ATP8B3: variants seen among roughly 807,000 people sequenced by gnomAD.
The protein encoded by ATP8B3 is ATPase phospholipid transporting 8B3, also known as phospholipid-transporting ATPase IK.
A neutral mutation model predicts 140.9 loss-of-function variants in ATP8B3; 141 were observed. The observed-to-expected ratio is 1.00, with a 90% CI of 0.87 to 1.15. ATP8B3 has a LOEUF of 1.15. Among genes scored for constraint, ATP8B3 ranks in the 50% most tolerant of loss-of-function variants. ATP8B3 has a pLI of 0.00. For synonymous variants in ATP8B3, 765 were observed against 714.6 expected (o/e 1.07, Z -1.13); for missense variants, 1,874 against 1,740.6 (o/e 1.08, Z -1.36).
intron 14 of ATP8B3, chr19:1,799,485 G>C: frequency 3.9e-6 from 1 of 253,490 alleles, no homozygotes; most frequent in Non-Finnish European, 7.4e-6. Context: ...AAAAAAGTCG[G>C]CCGGGCGTGG....
In ATP8B3 at chr19:1,811,820, G is replaced by A. The variant is rs567205667; in HGVS notation, c.-84C>T. The A allele has an allele frequency of 4.4e-6, 6 of 1,378,924 alleles. No individual in the cohort carries two copies. The highest frequency in any genetic ancestry group is 5.8e-6 in the Non-Finnish European group (6 of 1,034,070). The allele number at this position is 1,378,924 out of a possible 1,614,324, so 85.4% of individuals were successfully genotyped here. The stretch of plus-strand genomic sequence containing the variant: ...GGAGAGGTGGGGGAGACCCCCGTGG[G>A]GGCAGACTGGGGATTGGAGAGTTGG... On this transcript the variant is annotated 5_prime_UTR_variant, in exon 2 of 29. Coordinates refer to ENST00000310127, the MANE Select transcript of ATP8B3 (RefSeq NM_138813.4).
Position 1,800,383 on chromosome 19 carries a change from A to C in ATP8B3, c.1219T>G (p.Phe407Val). ...AFGFGFSVKE[F>V]KDHHYYLSGV... is the part of the protein sequence containing the mutation. ...GAGAGGTAGTAGTGGTGGTCTTTGAATTCTTTGACTGAGAAACCGAAGCCG... is the reference window on the plus strand; with the variant it reads ...GAGAGGTAGTAGTGGTGGTCTTTGACTTCTTTGACTGAGAAACCGAAGCCG... Residue 407 changes from phenylalanine to valine, a missense_variant, in exon 13 of 29, where the codon TTC becomes GTC. By Grantham distance (50) the Phe-to-Val change is conservative (BLOSUM62 -1). Around this residue, in one of 3 missense-constraint regions of ATP8B3, gnomAD observed 1,032 missense variants for 963.6 expected, o/e 1.07. Transcript: ENST00000310127. The surrounding 1 kb of genome is among the most constrained non-coding windows in gnomAD (Gnocchi z 4.4). 6.2e-7 allele frequency: 1 copy of C among 1,608,182 alleles called. No homozygotes were observed.
chr19:1,790,568 C>T (rs1288774991), intron 21 of ATP8B3, among the ~76,000 whole-genome samples, 189 bp downstream of exon 21: 2 of 27,766 alleles, frequency 7.2e-5, no homozygotes, highest in Non-Finnish European at 1.4e-4. Flanking sequence ...CTCCACTGCC[C>T]CTCCCCCTTC....
At position 1,787,155 on chromosome 19, in the gene ATP8B3, A is replaced by T. The variant is rs2068331749; in HGVS notation, c.3101T>A (p.Phe1034Tyr). ...TGGCAGGGTGCTGTACAGGAGGTTG[A>T]AAAGAGCCAGGAACCATCCTTCATA... is the stretch of plus-strand genomic sequence containing the variant. ...PLYEGWFLAL[F>Y]NLLYSTLPVL... Residue 1034 changes from phenylalanine (F) to tyrosine (Y), a missense_variant, in exon 25 of 29, where the codon TTC becomes TAC. Transcript: ENST00000310127. 7 of 1,611,280 alleles carry T rather than the reference A, an allele frequency of 4.3e-6. No homozygotes were observed. In the East Asian group the frequency reaches 1.6e-4, roughly 36 times the overall value.
chr19:1,809,664 G>T lies in ATP8B3; in HGVS notation c.381C>A (p.Cys127Ter). 6.2e-7 allele frequency: 1 copy of T among 1,610,308 alleles called. No individual in the cohort carries two copies. ...CCACCTTGTATTTCTTCCTTTGCCA[G>T]CACAGGATCACCTTCTCCTTGAACT... Reference protein sequence around the residue: ...NGQFKEKVILCWQRKKYKTNV... With the variant: ...NGQFKEKVIL Residue 127 changes from cysteine to a stop codon, truncating the protein, a stop_gained, in exon 4 of 29, where the codon TGC becomes TGA. Transcript: ENST00000310127. LOFTEE classifies it high-confidence loss of function.
In ATP8B3 at chr19:1,789,027, C is replaced by A; in HGVS notation, c.2939G>T (p.Arg980Leu). 1 of 1,609,204 alleles carries A rather than the reference C, an allele frequency of 6.2e-7. No individual in the cohort carries two copies. The highest frequency in any genetic ancestry group is 8.5e-7 in the Non-Finnish European group (1 of 1,178,382). ...CCAGCGGCCGTGCACCAGCAGGAGG[C>A]GCTGCAGGAAGCAGAACTGGCCGAG... ...FVLGQFCFLQ[R>L]LLLVHGRWSY... Residue 980 changes from arginine to leucine, a missense_variant, in exon 24 of 29, where the codon CGC (arginine) becomes CTC (leucine). Arg to Leu is a moderately radical substitution (Grantham distance 102). Around this residue, in one of 3 missense-constraint regions of ATP8B3, gnomAD observed 840 missense variants for 760.9 expected, o/e 1.10. Transcript: ENST00000310127.
chr19:1,803,899 A>G (rs929144206), intron 10 of ATP8B3, among the ~76,000 whole-genome samples: 95 of 126,394 alleles, frequency 7.5e-4, no homozygotes, highest in Non-Finnish European at 1.3e-3. Flanking sequence ...TCTGTCTCAA[A>G]AAAAAAAAAA....
chr19:1,786,912 G>A (rs557083445), intron 25 of ATP8B3, among the ~76,000 whole-genome samples, 191 bp downstream of exon 25: 58 of 152,322 alleles, frequency 3.8e-4, no homozygotes, highest in Admixed American at 1.2e-3. Flanking sequence ...GGATGGCCCC[G>A]GGATGAGCGT....
chr19:1,796,047 G>A, intron 17 of ATP8B3, 30 bp downstream of exon 17: 2 of 1,611,876 alleles, frequency 1.2e-6, no homozygotes, highest in African/African-American at 1.3e-5. Flanking sequence ...CCCACCTTGG[G>A]GGGCCCAGGG....
At position 1,806,089 on chromosome 19, in the gene ATP8B3, C is replaced by T. The variant is rs933634295; in HGVS notation, c.750+8G>A. On this transcript the variant is annotated splice_region_variant and intron_variant, in intron 8 of 28. Coordinates refer to ENST00000310127, the MANE Select transcript of ATP8B3 (RefSeq NM_138813.4). The surrounding 1 kb of genome is among the most constrained non-coding windows in gnomAD (Gnocchi z 5.6). ...GGTTCTGGGACCTCGGGGTCAACCC[C>T]AGCTCACTGGGACGATGTTGTCCTT... is the stretch of plus-strand genomic sequence containing the variant. 4 of 1,601,528 alleles carry T rather than the reference C, an allele frequency of 2.5e-6. No homozygotes were observed. Among genetic ancestry groups the T allele is most frequent in the Non-Finnish European group, 3.4e-6 (4 of 1,174,570 alleles).
At chr19:1,795,323 G>A (rs779415359) in intron 18 of ATP8B3, among the ~76,000 whole-genome samples, 13 of 152,086 alleles carry the variant, frequency 8.5e-5, no homozygotes, top group Non-Finnish European at 1.9e-4. Flanking sequence ...AGGCCAAGGG[G>A]GCAGATCACC....
Position 1,789,879 on chromosome 19 carries a change from G to T in ATP8B3, c.2478+11C>A. The T allele has an allele frequency of 6.2e-7, 1 of 1,610,430 alleles. No individual in the cohort carries two copies. The highest frequency in any genetic ancestry group is 2.2e-5 in the East Asian group (1 of 44,760). On this transcript the variant is annotated intron_variant, in intron 22 of 28. Transcript: ENST00000310127. ...GCCGGGACCCCGCCGTCCACCCTGA[G>T]CGACACTGACCAGGAAGTCTCCGTT...
rs1305248404 is a variant in ATP8B3 at position 1,802,497 on chromosome 19, G to T, written c.1053C>A (p.Val351=). 7.4e-7 allele frequency: 1 copy of T among 1,354,682 alleles called. No homozygotes were observed. The highest frequency in any genetic ancestry group is 9.7e-7 in the Non-Finnish European group (1 of 1,031,146). 83.9% of individuals were successfully genotyped at this position (1,354,682 alleles called of 1,614,324 possible). The change falls in exon 11 of 29, where the codon GTC becomes GTA. Residue 351 remains valine, a synonymous_variant. Transcript: ENST00000310127. ...IRNTDTCYGL[V]IYAGFDTKIM... ...CTGGAGCAGCCGTACCAGCATAAAT[G>T]ACCAGTCCATAGCAGGTGTCTGTGT...
In ATP8B3 at chr19:1,806,423, C is replaced by A. The variant is rs1340574388; in HGVS notation, c.677+205G>T. On this transcript the variant is annotated intron_variant, in intron 7 of 28. Transcript: ENST00000310127. This position sits in a 1 kb window ranked among gnomAD's most constrained non-coding sequence, Gnocchi z 5.6. ...TCCTCCCCATCGCCCGAGCCCTAAGCTCTGCAAGGGTTCGCCATCAGGGCC... is the reference window on the plus strand; with the variant it reads ...TCCTCCCCATCGCCCGAGCCCTAAGATCTGCAAGGGTTCGCCATCAGGGCC... 2 of 1,447,922 alleles carry A rather than the reference C, an allele frequency of 1.4e-6. No homozygotes were observed. The highest frequency in any genetic ancestry group is 2.5e-5 in the East Asian group (1 of 40,212). The allele number at this position is 1,447,922 out of a possible 1,614,324, so 89.7% of individuals were successfully genotyped here.
Position 1,806,081 on chromosome 19 carries a change from G to C in ATP8B3, c.750+16C>G, listed in dbSNP as rs778862868. The stretch of plus-strand genomic sequence containing the variant: ...GGGCGCGTGGTTCTGGGACCTCGGG[G>C]TCAACCCCAGCTCACTGGGACGATG... On this transcript the variant is annotated intron_variant, in intron 8 of 28. Transcript: ENST00000310127. This position sits in a 1 kb window ranked among gnomAD's most constrained non-coding sequence, Gnocchi z 5.6. 6.2e-7 allele frequency: 1 copy of C among 1,601,664 alleles called. No individual in the cohort carries two copies. Among genetic ancestry groups the C allele is most frequent in the South Asian group, 1.1e-5 (1 of 89,522 alleles).
chr19:1,796,398 C>T (rs2068676885), intron 16 of ATP8B3, 133 bp from the exon 17 acceptor site: 1 of 903,522 alleles, frequency 1.1e-6, no homozygotes, highest in African/African-American at 1.7e-5. Flanking sequence ...CTGTACAACC[C>T]AATGCATGGA....
rs947812066 is a variant in ATP8B3 at position 1,806,773 on chromosome 19, T to C, written c.616-84A>G. ...CCGCTGCCGCACTGCAGCCCAGCAGTGCCCGCCCGCAACACGGGGTCCCTG... is the reference window on the plus strand; with the variant it reads ...CCGCTGCCGCACTGCAGCCCAGCAGCGCCCGCCCGCAACACGGGGTCCCTG... On this transcript the variant is annotated intron_variant, in intron 6 of 28. Coordinates refer to ENST00000310127, the MANE Select transcript of ATP8B3 (RefSeq NM_138813.4). This position sits in a 1 kb window ranked among gnomAD's most constrained non-coding sequence, Gnocchi z 5.6. 4.2e-6 allele frequency: 6 copies of C among 1,430,446 alleles called. No individual in the cohort carries two copies. Among genetic ancestry groups the C allele is most frequent in the Non-Finnish European group, 5.8e-6 (6 of 1,040,870 alleles). The allele number at this position is 1,430,446 out of a possible 1,614,324, so 88.6% of individuals were successfully genotyped here. A position where few individuals can be genotyped will look rare whatever the true frequency, so the allele number is the denominator to read the frequency against.
At position 1,789,666 on chromosome 19, in the gene ATP8B3, T is replaced by A. The variant is rs1019255215; in HGVS notation, c.2540A>T (p.Asp847Val). The change falls in exon 23 of 29, where the codon GAC becomes GTC. Residue 847 changes from aspartate (D) to valine (V), a missense_variant. Transcript: ENST00000310127. ...PRALAQNVNM[D>V]EAWQELGQSR... is the part of the protein sequence containing the mutation. ...CTGGCCGAGCTCCTGCCACGCCTCG[T>A]CCATGTTCACGTTCTGCGCCAGGGC... 9 of 1,601,888 alleles carry A rather than the reference T, an allele frequency of 5.6e-6. No homozygotes were observed. In the African/African-American group the frequency reaches 1.1e-4, roughly 19 times the overall value.
intron 23 of ATP8B3, 41 bp downstream of exon 23, chr19:1,789,320 C>T (rs750233757): frequency 8.9e-6 from 13 of 1,457,564 alleles, no homozygotes; most frequent in Non-Finnish European, 1.1e-5. Flanking sequence ...AGCCGCCCCC[C>T]ACTCGTCCCA....
Sources: allele counts gnomAD v4.1 joint callset (sites outside exome capture counted in the v4.1 genomes callset), GRCh38; gene constraint gnomAD v4.1.1; regional missense constraint gnomAD v4.1.1; non-coding constraint Gnocchi (gnomAD v3.1); transcripts MANE v1.5; gene names NCBI Gene and HGNC (gene_info 2026-07-23, HGNC 2026-07-21).